The following RFNG variants were observed in gnomAD, a reference collection of about 807,000 sequenced individuals.
RFNG encodes the protein RFNG O-fucosylpeptide 3-beta-N-acetylglucosaminyltransferase.
In RFNG, 37 loss-of-function variants were observed where a neutral mutation model predicts 29.6. The ratio of observed to expected loss-of-function variants is 1.25; its 90% CI spans 0.96 to 1.65. RFNG has a LOEUF of 1.65. Among genes scored for constraint, RFNG ranks in the 40% most tolerant of loss-of-function variants. RFNG has a pLI of 0.00. For missense variants in RFNG, 546 were observed against 457.0 expected (o/e 1.19, Z -1.78); for synonymous variants, 276 against 197.3 (o/e 1.40, Z -3.34).
In RFNG at chr17:82,051,661, C is replaced by G; in HGVS notation, c.106G>C (p.Ala36Pro). 1 of 1,003,196 alleles carries G rather than the reference C, an allele frequency of 1.0e-6. No individual in the cohort carries two copies. The highest frequency in any genetic ancestry group is 4.6e-5 in the South Asian group (1 of 21,852). The allele number at this position is 1,003,196 out of a possible 1,614,324, so 62.1% of individuals were successfully genotyped here. Residue 36 changes from alanine (A) to proline (P), a missense_variant, in exon 1 of 8, where the codon GCC (alanine) becomes CCC (proline). Physicochemically the swap from Ala to Pro is conservative, Grantham distance 27 (BLOSUM62 -1). Coordinates refer to ENST00000310496, the MANE Select transcript of RFNG (RefSeq NM_002917.2). This position sits in a 1 kb window ranked among gnomAD's most constrained non-coding sequence, Gnocchi z 4.1. ...PLPLPRAPAP[A>P]RTPAPAPRAP... ...CGCGGGGCCGGGGCGGGGGTCCGGG[C>G]CGGGGCGGGCGCGCGGGGCAGCGGC... is the stretch of plus-strand genomic sequence containing the variant.
At position 82,048,579 on chromosome 17, in the gene RFNG, G is replaced by T. The variant is rs193033656; in HGVS notation, c.*147C>A. On this transcript the variant is annotated 3_prime_UTR_variant, in exon 8 of 8. Coordinates refer to ENST00000310496, the MANE Select transcript of RFNG (RefSeq NM_002917.2). ...GCCCACCAGGGGCTGGGAGAGGGGG[G>T]GCTGCAGGCTAGCCAGAGGGTCTGC... 4.4e-3 allele frequency: 2,919 copies of T among 668,158 alleles called. 13 individuals carry two copies. Among genetic ancestry groups the T allele is most frequent in the Non-Finnish European group, 6.7e-3 (2,523 of 376,926 alleles). The allele number at this position is 668,158 out of a possible 1,614,324, so 41.4% of individuals were successfully genotyped here.
At position 82,048,936 on chromosome 17, in the gene RFNG, C is replaced by CAGGGAGAAGCCGGGGTCAGGGCCGTGGGT. The variant is rs1568028190; in HGVS notation, c.914+94_914+95insACCCACGGCCCTGACCCCGGCTTCTCCCT. 16 of 1,450,864 alleles carry CAGGGAGAAGCCGGGGTCAGGGCCGTGGGT rather than the reference C, an allele frequency of 1.1e-5. 1 individual carries two copies. Among genetic ancestry groups the CAGGGAGAAGCCGGGGTCAGGGCCGTGGGT allele is most frequent in the Admixed American group, 1.7e-5 (1 of 59,010 alleles). 89.9% of individuals were successfully genotyped at this position (1,450,864 alleles called of 1,614,324 possible). On this transcript the variant is annotated intron_variant, in intron 7 of 7. Transcript: ENST00000310496. ...GAGAAGCCGGGGTCAGGGCCGTGGG[C>CAGGGAGAAGCCGGGGTCAGGGCCGTGGGT]GGAGGGAGCAGCGGGGGTCAGGGCC...
chr17:82,050,156 T>C (rs2144210275), intron 4 of RFNG, 150 bp from the exon 5 acceptor site: 1 of 811,594 alleles, frequency 1.2e-6, no homozygotes, highest in Non-Finnish European at 2.0e-6. Flanking sequence ...AGCCGGGGGC[T>C]TCTGCAGGCC....
In RFNG at chr17:82,049,905, GACCCCC is replaced by G; in HGVS notation, c.662+7_662+12del. 6.2e-7 allele frequency: 1 copy of G among 1,611,762 alleles called. No homozygotes were observed. The highest frequency in any genetic ancestry group is 8.5e-7 in the Non-Finnish European group (1 of 1,179,480). Reference sequence around the variant, plus strand: ...CTCCGCCTCCCAGCCCGGGCAGCTGGACCCCCACTCACCTGGCCCATGGGCTCATCT... The same window carrying G: ...CTCCGCCTCCCAGCCCGGGCAGCTGGACTCACCTGGCCCATGGGCTCATCT... On this transcript the variant is annotated splice_region_variant and intron_variant, in intron 5 of 7. Transcript: ENST00000310496.
chr17:82,048,866 G>A (rs1215472663), intron 7 of RFNG, 59 bp from the exon 8 acceptor site: 1 of 1,522,418 alleles, frequency 6.6e-7, no homozygotes, highest in African/African-American at 1.4e-5. Flanking sequence ...GGGGGCCAGG[G>A]CCGTGGGCGG....
chr17:82,048,659 C>T lies in RFNG; in HGVS notation c.*67G>A, dbSNP rs1223040756. Reference sequence around the variant, plus strand: ...TGGCACCTGAGGGAGCCCACTGAGCCCATAGGGGGCTCTGGTTCCCCGCGC... The same window carrying T: ...TGGCACCTGAGGGAGCCCACTGAGCTCATAGGGGGCTCTGGTTCCCCGCGC... On this transcript the variant is annotated 3_prime_UTR_variant, in exon 8 of 8. Coordinates refer to ENST00000310496, the MANE Select transcript of RFNG (RefSeq NM_002917.2). The T allele has an allele frequency of 7.6e-7, 1 of 1,316,944 alleles. No individual in the cohort carries two copies. Among genetic ancestry groups the T allele is most frequent in the African/African-American group, 1.4e-5 (1 of 69,056 alleles). The allele number at this position is 1,316,944 out of a possible 1,614,324, so 81.6% of individuals were successfully genotyped here.
chr17:82,050,639 C>T (rs746267632), intron 3 of RFNG, 23 bp downstream of exon 3: 93 of 1,610,928 alleles, frequency 5.8e-5, no homozygotes, highest in Non-Finnish European at 7.0e-5. Flanking sequence ...GAGCTCTCTG[C>T]GGGTCGGGTC....
chr17:82,049,448 C>A, intron 6 of RFNG: 1 of 712,008 alleles, frequency 1.4e-6, no homozygotes, highest in Non-Finnish European at 2.5e-6. Flanking sequence ...CTCACTGGCC[C>A]GAGAACTGTG....
chr17:82,050,655 C>A lies in RFNG; in HGVS notation c.419+7G>T. ...AGCTCTCTGCGGGTCGGGTCAGCGC[C>A]GCGTACTTGCGCCCGGACTCAATGA... On this transcript the variant is annotated splice_region_variant and intron_variant, in intron 3 of 7. Coordinates refer to ENST00000310496, the MANE Select transcript of RFNG (RefSeq NM_002917.2). The A allele has an allele frequency of 6.2e-7, 1 of 1,612,872 alleles. No homozygotes were observed. Among genetic ancestry groups the A allele is most frequent in the Non-Finnish European group, 8.5e-7 (1 of 1,179,742 alleles).
In RFNG at chr17:82,051,108, G is replaced by C; in HGVS notation, c.316+186C>G. 1 of 1,349,216 alleles carries C rather than the reference G, an allele frequency of 7.4e-7. No individual in the cohort carries two copies. Among genetic ancestry groups the C allele is most frequent in the East Asian group, 2.9e-5 (1 of 34,402 alleles). The allele number at this position is 1,349,216 out of a possible 1,614,324, so 83.6% of individuals were successfully genotyped here. On this transcript the variant is annotated intron_variant, in intron 2 of 7. Coordinates refer to ENST00000310496, the MANE Select transcript of RFNG (RefSeq NM_002917.2). The surrounding 1 kb of genome is among the most constrained non-coding windows in gnomAD (Gnocchi z 4.1). The stretch of plus-strand genomic sequence containing the variant: ...GCGGCTAGTGTGAGAGGCTGGTGGG[G>C]AGCAGAGCTTGGCTGGCAGGGTGGG...
At chr17:82,050,256 ACAC>A in intron 4 of RFNG, 143 bp downstream of exon 4, 1 of 1,023,756 alleles carries the variant, frequency 9.8e-7, no homozygotes, top group Admixed American at 2.8e-5. Context: ...TGCTCCTGAA[ACAC>A]CACATGCAAA....
chr17:82,049,456 G>C (rs773673977), intron 6 of RFNG: 43 of 715,606 alleles, frequency 6.0e-5, no homozygotes, highest in Middle Eastern at 4.6e-4. Context: ...CCCGAGAACT[G>C]TGCTTCTCCC....
At position 82,050,297 on chromosome 17, in the gene RFNG, C is replaced by T. The variant is rs559290687; in HGVS notation, c.573+105G>A. On this transcript the variant is annotated intron_variant, in intron 4 of 7. Transcript: ENST00000310496. ...ACCTGGGTGGATCAGCTTGGGCCCC[C>T]AACCCTATGCCCTTCTCAAGCCAGC... The T allele has an allele frequency of 1.1e-5, 15 of 1,360,664 alleles. No individual in the cohort carries two copies. In the African/African-American group the frequency reaches 2.0e-4, roughly 18 times the overall value. 84.3% of individuals were successfully genotyped at this position (1,360,664 alleles called of 1,614,324 possible). A position where few individuals can be genotyped will look rare whatever the true frequency, so the allele number is the denominator to read the frequency against.
At chr17:82,049,588 C>T (rs569315188) in intron 6 of RFNG, 89 bp downstream of exon 6, 14 of 1,412,690 alleles carry the variant, frequency 9.9e-6, no homozygotes, top group East Asian at 7.5e-5. Context: ...CCTGCTCAGC[C>T]GGGCATCGGG....
chr17:82,049,116 C>T lies in RFNG; in HGVS notation c.829G>A (p.Val277Ile). 3 of 1,612,944 alleles carry T rather than the reference C, an allele frequency of 1.9e-6. No individual in the cohort carries two copies. Among genetic ancestry groups the T allele is most frequent in the Non-Finnish European group, 2.5e-6 (3 of 1,179,536 alleles). ...TCAGGACCCCCATGGCTCAAGGTAACCTGGGAGGGAAGGGTGTGGGCAGAG... is the reference window on the plus strand; with the variant it reads ...TCAGGACCCCCATGGCTCAAGGTAATCTGGGAGGGAAGGGTGTGGGCAGAG... ...RLPPDTLLQQ[V>I]TLSHGGPENP... Residue 277 changes from valine to isoleucine, a missense_variant and splice_region_variant, in exon 7 of 8, where the codon GTT (valine) becomes ATT (isoleucine). Coordinates refer to ENST00000310496, the MANE Select transcript of RFNG (RefSeq NM_002917.2).
In RFNG at chr17:82,051,427, G is replaced by A; in HGVS notation, c.267+73C>T. Reference sequence around the variant, plus strand: ...CCCCGCGCGGAGCCTCCGGGGGCCTGGGCCGGGCCTAGACCCTGGGAGGCG... The same window carrying A: ...CCCCGCGCGGAGCCTCCGGGGGCCTAGGCCGGGCCTAGACCCTGGGAGGCG... On this transcript the variant is annotated intron_variant, in intron 1 of 7. Transcript: ENST00000310496. The surrounding 1 kb of genome is among the most constrained non-coding windows in gnomAD (Gnocchi z 4.1). 2 of 1,381,340 alleles carry A rather than the reference G, an allele frequency of 1.4e-6. No individual in the cohort carries two copies. The highest frequency in any genetic ancestry group is 1.9e-6 in the Non-Finnish European group (2 of 1,068,300). The allele number at this position is 1,381,340 out of a possible 1,614,324, so 85.6% of individuals were successfully genotyped here.
rs561368282 is a variant in RFNG at position 82,048,380 on chromosome 17, G to A, written c.*346C>T. 5.0e-5 allele frequency: 16 copies of A among 317,320 alleles called. No homozygotes were observed. The highest frequency in any genetic ancestry group is 9.9e-4 in the Middle Eastern group (1 of 1,010). 19.7% of individuals were successfully genotyped at this position (317,320 alleles called of 1,614,324 possible). Reference sequence around the variant, plus strand: ...TTGACACCCAGCCAGCCTAGCACCCGCCTTCAGCAACAGGTAATGGAGCCC... The same window carrying A: ...TTGACACCCAGCCAGCCTAGCACCCACCTTCAGCAACAGGTAATGGAGCCC... On this transcript the variant is annotated 3_prime_UTR_variant, in exon 8 of 8. Transcript: ENST00000310496.
rs776485989 is a variant in RFNG, at chr17:82,050,709, G to A, written c.372C>T (p.Cys124=). The A allele has an allele frequency of 3.6e-5, 58 of 1,613,172 alleles. No homozygotes were observed. In the South Asian group the frequency reaches 5.1e-4, roughly 14 times the overall value. The change falls in exon 3 of 8, where the codon TGC becomes TGT. Residue 124 remains cysteine (C), a synonymous_variant. Transcript: ENST00000310496. ...TGTCATACTCCACGGACATCTTGCA[G>A]CAGAGGGCCTGACGAGTGCGCACCG... The part of the protein sequence containing the change: ...CSAVRTRQAL[C]CKMSVEYDKF...
chr17:82,050,826 G>A, intron 2 of RFNG, 62 bp from the exon 3 acceptor site: 1 of 1,546,272 alleles, frequency 6.5e-7, no homozygotes, highest in Non-Finnish European at 8.9e-7. Context: ...GGTAAGGCCT[G>A]TGCCCCACCT....
Sources: allele counts gnomAD v4.1 joint callset, GRCh38; gene constraint gnomAD v4.1.1; non-coding constraint Gnocchi (gnomAD v3.1); transcripts MANE v1.5; gene names NCBI Gene and HGNC (gene_info 2026-07-23, HGNC 2026-07-21).